Variants in SRPX observed in about 807,000 individuals in gnomAD.
SRPX encodes sushi repeat containing protein X-linked.
In SRPX, 24 loss-of-function variants were observed where a neutral mutation model predicts 38.1. The ratio of observed to expected loss-of-function variants is 0.63; its 90% CI spans 0.46 to 0.89. The LOEUF is 0.89. SRPX is among the 40% of genes least tolerant of loss of function. The probability of loss-of-function intolerance (pLI) is 0.00; values close to 1 mark genes in which losing one functional copy is unlikely to be tolerated. For missense variants in SRPX, 416 were observed against 377.8 expected, an observed-to-expected ratio of 1.10 and a Z score of -0.84; for synonymous variants, 184 against 153.8, an observed-to-expected ratio of 1.20 and a Z score of -1.45.
chrX:38,220,830 C>G lies in SRPX; in HGVS notation c.-38G>C. The G allele has an allele frequency of 1.9e-6, 2 of 1,065,870 alleles. No individual in the cohort carries two copies. Among genetic ancestry groups the G allele is most frequent in the Non-Finnish European group, 2.4e-6 (2 of 833,392 alleles). 87.8% of individuals were successfully genotyped at this position (1,065,870 alleles called of 1,213,427 possible). A position where few individuals can be genotyped will look rare whatever the true frequency, so the allele number is the denominator to read the frequency against. ...CTTAGCTCGCCTCGGCAGCGCAGCG[C>G]GCTTCCCGGGGGCGGCAGGAGACCG... On this transcript the variant is annotated 5_prime_UTR_variant, in exon 1 of 10. Coordinates refer to ENST00000378533, the MANE Select transcript of SRPX (RefSeq NM_006307.5).
At chrX:38,188,139 A>G (rs1938822272) in intron 1 of SRPX, among the ~76,000 whole-genome samples, 1 of 111,672 alleles carries the variant, frequency 9.0e-6, no homozygotes, top group Admixed American at 9.5e-5. Flanking sequence ...AAGAGTAAGA[A>G]AAGAGGGGAA....
intron 9 of SRPX, among the ~76,000 whole-genome samples, chrX:38,150,679 G>A (rs1937995028): frequency 8.9e-6 from 1 of 112,307 alleles, no homozygotes; most frequent in Admixed American, 9.4e-5. Context: ...GCTCAGGACT[G>A]CAGAGTTATA....
intron 3 of SRPX, among the ~76,000 whole-genome samples, chrX:38,172,407 T>G (rs779877400): frequency 2.6e-5 from 3 of 113,214 alleles, no homozygotes; most frequent in African/African-American, 9.6e-5. Context: ...GAGCTGAGAT[T>G]GCGCCATTGC....
chrX:38,210,772 A>C (rs1188534640), intron 1 of SRPX, among the ~76,000 whole-genome samples: 2 of 112,475 alleles, frequency 1.8e-5, no homozygotes, highest in Non-Finnish European at 3.8e-5. Flanking sequence ...ACCGTATACA[A>C]GGCTAGTTAT....
chrX:38,189,255 A>G (rs1938849667), intron 1 of SRPX, among the ~76,000 whole-genome samples: 1 of 111,780 alleles, frequency 8.9e-6, no homozygotes, highest in Admixed American at 9.5e-5. Flanking sequence ...TTACCCTAGA[A>G]CACTCCCATC....
chrX:38,187,839 T>C (rs1229635774), intron 1 of SRPX, among the ~76,000 whole-genome samples: 1 of 112,357 alleles, frequency 8.9e-6, no homozygotes, highest in Non-Finnish European at 1.9e-5. Context: ...TATGGGGGCT[T>C]TTGAAGAAGC....
intron 4 of SRPX, 116 bp downstream of exon 4, chrX:38,171,765 G>T: frequency 1.4e-6 from 1 of 729,768 alleles, no homozygotes; most frequent in Non-Finnish European, 2.0e-6. Flanking sequence ...TGAGAGCAAA[G>T]TTGCATGCTT....
rs184670226 is a variant in SRPX at position 38,214,606 on chromosome X, C to A, written c.97+6090G>T. ...ACTCCTTGGAAAGCTGAATTAAAAT[C>A]TAAGTGGAAACAAAATTTCAGTGTT... On this transcript the variant is annotated intron_variant, in intron 1 of 9. Transcript: ENST00000378533. Among the ~76,000 whole-genome samples, 3 of 112,304 alleles carry A rather than the reference C, an allele frequency of 2.7e-5. No homozygotes were observed. In the East Asian group the frequency reaches 8.4e-4, roughly 31 times the overall value.
chrX:38,211,583 C>T (rs1457451954), intron 1 of SRPX, among the ~76,000 whole-genome samples: 1 of 110,726 alleles, frequency 9.0e-6, no homozygotes, highest in Non-Finnish European at 1.9e-5. Context: ...GCCTGTAATC[C>T]CAGCTACTCG....
At chrX:38,199,633 C>T (rs1424971364) in intron 1 of SRPX, among the ~76,000 whole-genome samples, 1 of 108,981 alleles carries the variant, frequency 9.2e-6, no homozygotes, top group African/African-American at 3.3e-5. Context: ...TTGGTATATT[C>T]TATTAACTAC....
At chrX:38,213,077 C>T (rs1569216341) in intron 1 of SRPX, among the ~76,000 whole-genome samples, 1 of 111,838 alleles carries the variant, frequency 8.9e-6, no homozygotes, top group East Asian at 2.8e-4. Context: ...ACAGTTGAAC[C>T]TTGAAAGCAC....
At chrX:38,161,208 T>C (rs1369551985) in intron 5 of SRPX, among the ~76,000 whole-genome samples, 154 bp from the exon 6 acceptor site, 1 of 111,584 alleles carries the variant, frequency 9.0e-6, no homozygotes, top group Non-Finnish European at 1.9e-5. Context: ...TAGAATCTCC[T>C]AAGCTTTAGT....
chrX:38,193,021 G>A (rs979151626), intron 1 of SRPX, among the ~76,000 whole-genome samples: 3 of 112,402 alleles, frequency 2.7e-5, no homozygotes, highest in African/African-American at 9.7e-5. Flanking sequence ...CCATGCAGGA[G>A]CAGCTTTGTA....
At chrX:38,167,108 C>T (rs1181999230) in intron 4 of SRPX, among the ~76,000 whole-genome samples, 1 of 111,973 alleles carries the variant, frequency 8.9e-6, no homozygotes, top group East Asian at 2.8e-4. Context: ...TATTATTTTA[C>T]TGAATTTGCA....
intron 1 of SRPX, among the ~76,000 whole-genome samples, chrX:38,195,399 T>C (rs1176658435): frequency 9.2e-5 from 10 of 108,284 alleles, no homozygotes; most frequent in African/African-American, 3.4e-4. Context: ...TTTTTTTTTT[T>C]TTACCATACC....
chrX:38,161,119 C>T, intron 5 of SRPX, 65 bp from the exon 6 acceptor site: 1 of 1,161,915 alleles, frequency 8.6e-7, no homozygotes. Context: ...AGTGACGATC[C>T]CCTACTCTTT....
intron 1 of SRPX, among the ~76,000 whole-genome samples, chrX:38,195,993 C>A (rs1938992442): frequency 9.0e-6 from 1 of 111,523 alleles, no homozygotes; most frequent in Non-Finnish European, 1.9e-5. Context: ...TAAGGGAAAC[C>A]AAAGAAGTGT....
chrX:38,180,347 GCA>G (rs753286042), intron 1 of SRPX, among the ~76,000 whole-genome samples: 4 of 111,461 alleles, frequency 3.6e-5, no homozygotes, highest in African/African-American at 1.3e-4. Context: ...TCTCTGGACA[GCA>G]CATCTAGATC....
chrX:38,199,549 CT>C (rs1191806515), intron 1 of SRPX, among the ~76,000 whole-genome samples: 4 of 111,566 alleles, frequency 3.6e-5, no homozygotes, highest in Non-Finnish European at 5.7e-5. Flanking sequence ...AGCTCTGCTA[CT>C]AGCTAGCCAT....
Sources: gnomAD v4.1 joint callset for allele counts (sites outside exome capture counted in the v4.1 genomes callset) on GRCh38, gnomAD v4.1.1 for gene constraint, MANE v1.5 for transcripts, NCBI Gene and HGNC (gene_info 2026-07-23, HGNC 2026-07-21) for gene names.